Variants in ZMAT4 observed in about 807,000 individuals in gnomAD.
The protein encoded by ZMAT4 is zinc finger matrin-type 4, also known as zinc finger matrin-type protein 4.
In ZMAT4, 17 loss-of-function variants were observed where a neutral mutation model predicts 28.7. That is an observed-to-expected ratio of 0.59 (90% CI 0.41 to 0.89). The LOEUF (loss-of-function observed/expected upper bound fraction) is 0.89, where lower values mean the gene tolerates loss of function less well. ZMAT4 is among the 40% of genes least tolerant of loss of function. ZMAT4 has a pLI of 0.00. For synonymous variants in ZMAT4, 117 were observed against 109.2 expected, an observed-to-expected ratio of 1.07 and a Z score of -0.44; for missense variants, 240 against 283.8, an observed-to-expected ratio of 0.85 and a Z score of 1.11.
intron 3 of ZMAT4, among the ~76,000 whole-genome samples, chr8:40,767,032 AG>A (rs1813186523): frequency 6.6e-6 from 1 of 152,142 alleles, no homozygotes; most frequent in African/African-American, 2.4e-5. Flanking sequence ...CCCTGCTGGG[AG>A]GAAGGAATAT....
At chr8:40,760,706 GTCTCTCTCTC>G (rs56024719) in intron 3 of ZMAT4, among the ~76,000 whole-genome samples, 2 of 142,400 alleles carry the variant, frequency 1.4e-5, no homozygotes, top group South Asian at 2.3e-4. Context: ...CTCTGTCACA[GTCTCTCTCTC>G]TCTCTCTCTC....
chr8:40,712,325 C>T (rs925612755), intron 3 of ZMAT4, among the ~76,000 whole-genome samples: 2 of 152,176 alleles, frequency 1.3e-5, no homozygotes, highest in Non-Finnish European at 2.9e-5. Flanking sequence ...AACCAACCAA[C>T]CCAGAGTTGT....
intron 2 of ZMAT4, among the ~76,000 whole-genome samples, chr8:40,776,853 C>A (rs373796743): frequency 0.22 from 33,252 of 151,802 alleles, 3,794 homozygotes; most frequent in Non-Finnish European, 0.25. Context: ...GACTAAGAAC[C>A]TGTGTGGAGT....
intron 2 of ZMAT4, among the ~76,000 whole-genome samples, chr8:40,783,118 G>C (rs1408945547): frequency 6.6e-6 from 1 of 152,178 alleles, no homozygotes; most frequent in Non-Finnish European, 1.5e-5. Context: ...GACTGTAGTA[G>C]CATTATTCAT....
intron 5 of ZMAT4, among the ~76,000 whole-genome samples, chr8:40,670,765 G>A (rs1416612346): frequency 1.3e-5 from 2 of 151,986 alleles, no homozygotes; most frequent in East Asian, 1.9e-4. Context: ...TGACCAATAA[G>A]CACATTTAAA....
intron 3 of ZMAT4, among the ~76,000 whole-genome samples, chr8:40,700,019 T>C (rs1810063373): frequency 6.6e-6 from 1 of 152,256 alleles, no homozygotes; most frequent in East Asian, 1.9e-4. Context: ...GGACAAAGAG[T>C]TGCCCTTAAT....
At chr8:40,798,611 C>G (rs570375899) in intron 2 of ZMAT4, among the ~76,000 whole-genome samples, 5 of 152,176 alleles carry the variant, frequency 3.3e-5, no homozygotes, top group Admixed American at 6.5e-5. Context: ...TCCTGGTAGT[C>G]CTGATCACTT....
intron 4 of ZMAT4, among the ~76,000 whole-genome samples, chr8:40,693,038 T>C (rs1205848898): frequency 6.6e-6 from 1 of 152,128 alleles, no homozygotes; most frequent in East Asian, 1.9e-4. Context: ...TGGAAATAGG[T>C]TTTTTGCAAC....
intron 4 of ZMAT4, among the ~76,000 whole-genome samples, chr8:40,695,994 A>G (rs1374856439): frequency 2.0e-5 from 3 of 152,038 alleles, no homozygotes; most frequent in Non-Finnish European, 2.9e-5. Context: ...TGAGGTGTCT[A>G]TTTTAAGAGA....
chr8:40,792,714 G>GGA (rs1485241505), intron 2 of ZMAT4, among the ~76,000 whole-genome samples: 1 of 38,536 alleles, frequency 2.6e-5, no homozygotes, highest in African/African-American at 1.1e-4. Flanking sequence ...GAGGGGAGGA[G>GGA]GTGGGGAGGG....
chr8:40,839,153 A>T (rs930122900), intron 1 of ZMAT4, among the ~76,000 whole-genome samples: 5 of 152,124 alleles, frequency 3.3e-5, no homozygotes, highest in African/African-American at 1.2e-4. Context: ...AACCAAAAAC[A>T]CCTTTTTAAG....
At chr8:40,732,692 A>T (rs6996583) in intron 3 of ZMAT4, among the ~76,000 whole-genome samples, 44,664 of 152,024 alleles carry the variant, frequency 0.29, 7,159 homozygotes, top group Non-Finnish European at 0.36. Flanking sequence ...CTGGTGTCCA[A>T]CGTTATGGGG....
intron 2 of ZMAT4, among the ~76,000 whole-genome samples, chr8:40,786,200 C>T (rs1443916910): frequency 1.3e-5 from 2 of 152,182 alleles, no homozygotes; most frequent in Non-Finnish European, 1.5e-5. Flanking sequence ...GATTCTAAGT[C>T]ACATTTCAAT....
At chr8:40,544,926 G>A (rs769121845) in intron 6 of ZMAT4, among the ~76,000 whole-genome samples, 1 of 152,124 alleles carries the variant, frequency 6.6e-6, no homozygotes, top group Non-Finnish European at 1.5e-5. Context: ...GGCTGGGTCT[G>A]ATGACCAGTT....
Position 40,815,819 on chromosome 8 carries a change from G to A in ZMAT4, c.102+9756C>T, listed in dbSNP as rs955579053. Among the ~76,000 whole-genome samples, 9 of 152,152 alleles carry A rather than the reference G, an allele frequency of 5.9e-5. 1 individual carries two copies. The highest frequency in any genetic ancestry group is 5.2e-4 in the Admixed American group (8 of 15,272). On this transcript the variant is annotated intron_variant, in intron 2 of 6. Transcript: ENST00000297737. ...TAAGTCAATAGCTTGTTATTCTTTT[G>A]CCTTTTAGACAAACAGCACATTGTT...
At chr8:40,601,438 A>AAGGG (rs1563359789) in intron 5 of ZMAT4, among the ~76,000 whole-genome samples, 6 of 115,246 alleles carry the variant, frequency 5.2e-5, no homozygotes, top group South Asian at 3.1e-4. Flanking sequence ...GGAAGGAAGG[A>AAGGG]AGGAAGGAAG....
chr8:40,776,749 A>G (rs932975417), intron 2 of ZMAT4, among the ~76,000 whole-genome samples: 1 of 152,240 alleles, frequency 6.6e-6, no homozygotes. Context: ...CAAAGTTAAC[A>G]AATCCTTCTG....
At position 40,547,565 on chromosome 8, in the gene ZMAT4, G is replaced by A. The variant is rs547905911; in HGVS notation, c.675-15327C>T. Among the ~76,000 whole-genome samples, 527 of 110,280 alleles carry A rather than the reference G, an allele frequency of 4.8e-3. 1 individual carries two copies. Among genetic ancestry groups the A allele is most frequent in the Non-Finnish European group, 7.5e-3 (385 of 51,256 alleles). The allele number at this position is 110,280 out of a possible 152,430, so 72.3% of individuals were successfully genotyped here. On this transcript the variant is annotated intron_variant, in intron 6 of 6. Coordinates refer to ENST00000297737, the MANE Select transcript of ZMAT4 (RefSeq NM_024645.3). Reference sequence around the variant, plus strand: ...TTCTCAGCCCAATCCCTTTACACATGAATGGGAATGTTAATATTTACCCCT... The same window carrying A: ...TTCTCAGCCCAATCCCTTTACACATAAATGGGAATGTTAATATTTACCCCT...
intron 2 of ZMAT4, among the ~76,000 whole-genome samples, chr8:40,824,200 A>G (rs1304609355): frequency 6.6e-6 from 1 of 152,252 alleles, no homozygotes; most frequent in Non-Finnish European, 1.5e-5. Flanking sequence ...AAATTGCTGG[A>G]TAAGCCTTCC....
Sources: allele counts gnomAD v4.1 joint callset (sites outside exome capture counted in the v4.1 genomes callset), GRCh38; gene constraint gnomAD v4.1.1; transcripts MANE v1.5; gene names NCBI Gene and HGNC (gene_info 2026-07-23, HGNC 2026-07-21).